Variants in TSPAN7 observed in about 807,000 individuals in gnomAD.
TSPAN7 encodes the protein tetraspanin 7, also known as tetraspanin-7.
TSPAN7 carries 1 observed loss-of-function variant against 17.6 expected under a neutral mutation model. That is an observed-to-expected ratio of 0.06 (90% CI 0.02 to 0.27). TSPAN7 has a LOEUF of 0.27. Ranked by LOEUF, TSPAN7 falls within the 10% of genes least tolerant of loss-of-function variation. The pLI is 1.00. For missense variants in TSPAN7, 112 were observed against 201.7 expected, an observed-to-expected ratio of 0.56 and a Z score of 2.69; for synonymous variants, 78 against 79.0, an observed-to-expected ratio of 0.99 and a Z score of 0.07.
At chrX:38,566,678 A>T (rs1181257212) in intron 1 of TSPAN7, among the ~76,000 whole-genome samples, 1 of 111,846 alleles carries the variant, frequency 8.9e-6, no homozygotes, top group Non-Finnish European at 1.9e-5. Context: ...AGTTTGTCAG[A>T]CATTTTGGTT....
intron 1 of TSPAN7, among the ~76,000 whole-genome samples, chrX:38,586,995 A>C (rs144378988): frequency 8.9e-6 from 1 of 112,692 alleles, no homozygotes; most frequent in African/African-American, 3.2e-5. Flanking sequence ...TAAGTGTCTA[A>C]TGCAAAAGTT....
At chrX:38,677,773 T>G (rs1236297943) in intron 5 of TSPAN7, among the ~76,000 whole-genome samples, 2 of 112,686 alleles carry the variant, frequency 1.8e-5, no homozygotes, top group African/African-American at 6.4e-5. Context: ...CCTGAACTTA[T>G]GAGACAAATT....
In TSPAN7 at chrX:38,642,608, A is replaced by G. The variant is rs185335419; in HGVS notation, c.82-23513A>G. Among the ~76,000 whole-genome samples the G allele has an allele frequency of 2.6e-4, 29 of 112,268 alleles. No homozygotes were observed. The East Asian group carries it at 5.0e-3, about 19-fold the overall frequency. Reference sequence around the variant, plus strand: ...ATAAGAAACAACCTCTGACCAAACCAAGGCTCCTGCTACTGAGAAGGTGCA... The same window carrying G: ...ATAAGAAACAACCTCTGACCAAACCGAGGCTCCTGCTACTGAGAAGGTGCA... On this transcript the variant is annotated intron_variant, in intron 1 of 7. Coordinates refer to ENST00000378482, the MANE Select transcript of TSPAN7 (RefSeq NM_004615.4).
intron 1 of TSPAN7, among the ~76,000 whole-genome samples, chrX:38,599,795 A>G (rs1473966357): frequency 8.9e-6 from 1 of 112,042 alleles, no homozygotes; most frequent in Non-Finnish European, 1.9e-5. Flanking sequence ...GTTGCATATC[A>G]TAGAAAGAAA....
intron 5 of TSPAN7, among the ~76,000 whole-genome samples, chrX:38,680,128 CG>C (rs2069879825): frequency 9.0e-6 from 1 of 111,396 alleles, no homozygotes; most frequent in African/African-American, 3.3e-5. Context: ...ACTTAAAAAA[CG>C]AAAGAAAACA....
chrX:38,613,116 T>C (rs1236479398), intron 1 of TSPAN7, among the ~76,000 whole-genome samples: 3 of 112,490 alleles, frequency 2.7e-5, no homozygotes, highest in Non-Finnish European at 1.9e-5. Context: ...TTCTGTTTTC[T>C]CCTATTTTTC....
chrX:38,682,972 G>A (rs1182479258), intron 6 of TSPAN7, among the ~76,000 whole-genome samples: 1 of 111,538 alleles, frequency 9.0e-6, no homozygotes, highest in Non-Finnish European at 1.9e-5. Context: ...AACATCAAAA[G>A]GGCGTCTTGT....
At chrX:38,672,076 C>T (rs1187543593) in intron 3 of TSPAN7, among the ~76,000 whole-genome samples, 2 of 110,432 alleles carry the variant, frequency 1.8e-5, no homozygotes, top group Non-Finnish European at 3.8e-5. Context: ...ATAGCTGCTT[C>T]AGTAAGGCAC....
intron 3 of TSPAN7, among the ~76,000 whole-genome samples, chrX:38,673,348 G>GT (rs2069833691): frequency 9.5e-6 from 1 of 104,944 alleles, no homozygotes; most frequent in African/African-American, 3.5e-5. Context: ...TGTGGTAACA[G>GT]AAAAGGTTTT....
intron 7 of TSPAN7, 51 bp from the exon 8 acceptor site, chrX:38,687,888 T>G (rs1231807149): frequency 1.1e-5 from 4 of 349,919 alleles, no homozygotes; most frequent in Middle Eastern, 8.0e-4. Flanking sequence ...TTGTTATCTT[T>G]CAAGTCCTTA....
chrX:38,571,747 A>G lies in TSPAN7; in HGVS notation c.81+10120A>G, dbSNP rs554536166. Among the ~76,000 whole-genome samples the G allele has an allele frequency of 1.3e-4, 14 of 111,013 alleles. 1 individual carries two copies. The South Asian group carries it at 4.9e-3, about 39-fold the overall frequency. The stretch of plus-strand genomic sequence containing the variant: ...GAGAAACCTGGGTGTGTGAGTTAAA[A>G]AAAAAAAATCCCAAGGTGATTCTGA... On this transcript the variant is annotated intron_variant, in intron 1 of 7. Transcript: ENST00000378482.
At chrX:38,613,649 A>G (rs945409465) in intron 1 of TSPAN7, among the ~76,000 whole-genome samples, 4 of 111,849 alleles carry the variant, frequency 3.6e-5, no homozygotes, top group African/African-American at 1.3e-4. Flanking sequence ...TCTTGGGGAA[A>G]GAGGACTTGA....
chrX:38,631,664 C>G (rs1198268693), intron 1 of TSPAN7, among the ~76,000 whole-genome samples: 1 of 111,515 alleles, frequency 9.0e-6, no homozygotes, highest in Non-Finnish European at 1.9e-5. Context: ...TGATGTGCCT[C>G]TATTTTGGAT....
chrX:38,607,377 C>G (rs759085752), intron 1 of TSPAN7, among the ~76,000 whole-genome samples: 4 of 111,674 alleles, frequency 3.6e-5, no homozygotes, highest in Non-Finnish European at 7.5e-5. Context: ...AGATGTCTCA[C>G]TGCTTTTTTT....
rs771884245 is a variant in TSPAN7 at position 38,674,201 on chromosome X, T to A, written c.346-20T>A. On this transcript the variant is annotated intron_variant, in intron 3 of 7. Coordinates refer to ENST00000378482, the MANE Select transcript of TSPAN7 (RefSeq NM_004615.4). The stretch of plus-strand genomic sequence containing the variant: ...TGGGCTGTGGTGGACTGCAATCACA[T>A]CCCTCCTTGTCTTCCATAGATCAAG... 3.5e-6 allele frequency: 4 copies of A among 1,149,122 alleles called. No individual in the cohort carries two copies. Among genetic ancestry groups the A allele is most frequent in the Non-Finnish European group, 4.7e-6 (4 of 849,701 alleles). The allele number at this position is 1,149,122 out of a possible 1,213,427, so 94.7% of individuals were successfully genotyped here.
intron 1 of TSPAN7, among the ~76,000 whole-genome samples, chrX:38,663,219 C>T (rs1364701599): frequency 3.6e-5 from 4 of 110,499 alleles, no homozygotes; most frequent in Non-Finnish European, 5.7e-5. Flanking sequence ...GCTACTAAGC[C>T]ATAAAAAGGA....
rs976313483 is a variant in TSPAN7, at chrX:38,673,394, G to A, written c.346-827G>A. ...TTTTTTTTTTTTTTTTTGAGACAGA[G>A]CCTTGCTCTGTTGCCAAGGCTGGAG... On this transcript the variant is annotated intron_variant, in intron 3 of 7. Coordinates refer to ENST00000378482, the MANE Select transcript of TSPAN7 (RefSeq NM_004615.4). Among the ~76,000 whole-genome samples the A allele has an allele frequency of 4.2e-5, 4 of 95,960 alleles. No individual in the cohort carries two copies. In the South Asian group the frequency reaches 2.0e-3, roughly 49 times the overall value. The allele number at this position is 95,960 out of a possible 115,157, so 83.3% of individuals were successfully genotyped here. A position where few individuals can be genotyped will look rare whatever the true frequency, so the allele number is the denominator to read the frequency against.
intron 1 of TSPAN7, among the ~76,000 whole-genome samples, chrX:38,651,231 C>T (rs908126520): frequency 2.8e-4 from 31 of 110,386 alleles, no homozygotes; most frequent in Non-Finnish European, 4.4e-4. Context: ...TTTGGGAGGC[C>T]GAGGCGGGTG....
At chrX:38,670,754 C>T (rs909343596) in intron 2 of TSPAN7, among the ~76,000 whole-genome samples, 2 of 112,554 alleles carry the variant, frequency 1.8e-5, no homozygotes, top group African/African-American at 6.5e-5. Flanking sequence ...AGGTTCTCAT[C>T]CTGGCCGTGT....
Sources: allele counts gnomAD v4.1 joint callset (sites outside exome capture counted in the v4.1 genomes callset), GRCh38; gene constraint gnomAD v4.1.1; transcripts MANE v1.5; gene names NCBI Gene and HGNC (gene_info 2026-07-23, HGNC 2026-07-21).